Variants in RHBDD1 observed in about 807,000 individuals in gnomAD.
RHBDD1 encodes rhomboid domain containing 1.
Under a neutral mutation model 36.3 loss-of-function variants are expected in RHBDD1, and 38 were observed. That is an observed-to-expected ratio of 1.05 (90% CI 0.81 to 1.37). RHBDD1 has a LOEUF of 1.37. Among genes scored for constraint, RHBDD1 ranks in the 40% most tolerant of loss-of-function variants. The pLI is 0.00. For synonymous variants in RHBDD1, 151 were observed against 136.5 expected (o/e 1.11, Z -0.74); for missense variants, 393 against 377.6 (o/e 1.04, Z -0.34).
intron 3 of RHBDD1, among the ~76,000 whole-genome samples, chr2:226,840,660 G>C (rs896723109): frequency 1.3e-5 from 2 of 152,130 alleles, no homozygotes; most frequent in African/African-American, 4.8e-5. Flanking sequence ...TTTGACCCCA[G>C]ATCTTCTGGC....
At chr2:226,846,139 A>T (rs1167329698) in intron 3 of RHBDD1, among the ~76,000 whole-genome samples, 1 of 152,222 alleles carries the variant, frequency 6.6e-6, no homozygotes, top group Non-Finnish European at 1.5e-5. Context: ...TATTTATCTT[A>T]CTAAAAGCAT....
At chr2:226,818,862 C>CA in the RHBDD1 span, among the ~76,000 whole-genome samples, 2 of 149,266 alleles carry the variant, frequency 1.3e-5, no homozygotes, top group Admixed American at 6.6e-5. Context: ...AAAACAAAAA[C>CA]AAAAAAACAA....
chr2:226,895,748 T>C, intron 5 of RHBDD1: 1 of 985,398 alleles, frequency 1.0e-6, no homozygotes, highest in Non-Finnish European at 1.2e-6. Context: ...CAGAGCACTA[T>C]TTAGAAACAC....
At chr2:226,818,177 T>G in the RHBDD1 span, among the ~76,000 whole-genome samples, 2 of 123,618 alleles carry the variant, frequency 1.6e-5, no homozygotes, top group South Asian at 5.1e-4. Context: ...TTTTTTTTTT[T>G]GAGATGGAGT....
At chr2:226,905,066 GTC>G (rs1433853747) in intron 5 of RHBDD1, among the ~76,000 whole-genome samples, 2 of 151,964 alleles carry the variant, frequency 1.3e-5, no homozygotes, top group African/African-American at 4.8e-5. Context: ...TGTTCTTGGA[GTC>G]TCCATCAGGC....
upstream of RHBDD1, chr2:226,835,906 C>A (rs1940897781): frequency 6.6e-6 from 1 of 152,422 alleles, no homozygotes; most frequent in Non-Finnish European, 1.5e-5. Context: ...CCGGCGCACG[C>A]GGTCTGCAGA....
intron 3 of RHBDD1, among the ~76,000 whole-genome samples, chr2:226,856,487 T>C (rs1346504978): frequency 6.6e-6 from 1 of 152,194 alleles, no homozygotes. Context: ...AATTTTATTA[T>C]TATTATCTTG....
chr2:226,924,949 A>C (rs1470931043), intron 8 of RHBDD1, among the ~76,000 whole-genome samples: 1 of 152,176 alleles, frequency 6.6e-6, no homozygotes, highest in Non-Finnish European at 1.5e-5. Flanking sequence ...TGAAGTTAAA[A>C]CCAGGTACTG....
intron 3 of RHBDD1, among the ~76,000 whole-genome samples, chr2:226,843,844 T>C (rs1434654633): frequency 6.6e-6 from 1 of 152,244 alleles, no homozygotes; most frequent in Non-Finnish European, 1.5e-5. Context: ...TCAGCAGGAA[T>C]GATACCTGCT....
At chr2:226,885,915 G>A (rs191644474) in intron 5 of RHBDD1, among the ~76,000 whole-genome samples, 2 of 152,272 alleles carry the variant, frequency 1.3e-5, no homozygotes, top group East Asian at 3.9e-4. Context: ...TGACGAATGG[G>A]CAGGTAGTGT....
At chr2:226,838,604 T>G (rs1941270590) in intron 2 of RHBDD1, among the ~76,000 whole-genome samples, 3 of 152,216 alleles carry the variant, frequency 2.0e-5, no homozygotes, top group Non-Finnish European at 4.4e-5. Context: ...CAGTAAATGT[T>G]GTGTGTCGGA....
chr2:226,872,301 A>G (rs1944856746), intron 5 of RHBDD1, among the ~76,000 whole-genome samples: 1 of 152,246 alleles, frequency 6.6e-6, no homozygotes, highest in African/African-American at 2.4e-5. Flanking sequence ...AAACATTATT[A>G]AATCCATACA....
chr2:226,866,261 G>A (rs985440810), intron 4 of RHBDD1, among the ~76,000 whole-genome samples: 2 of 152,016 alleles, frequency 1.3e-5, no homozygotes, highest in African/African-American at 2.4e-5. Flanking sequence ...TAGTACAGAT[G>A]GGGTTTCACC....
At chr2:226,872,258 G>T (rs902934628) in intron 5 of RHBDD1, among the ~76,000 whole-genome samples, 3 of 151,992 alleles carry the variant, frequency 2.0e-5, no homozygotes, top group Non-Finnish European at 4.4e-5. Context: ...GGGAAAGACA[G>T]TTCATAAAAT....
intron 7 of RHBDD1, among the ~76,000 whole-genome samples, chr2:226,909,349 T>G (rs1389015447): frequency 1.3e-5 from 2 of 152,172 alleles, no homozygotes; most frequent in Admixed American, 1.3e-4. Flanking sequence ...TTTCTAAGTA[T>G]CTGTGTAAAT....
intron 5 of RHBDD1, among the ~76,000 whole-genome samples, chr2:226,870,863 TGAGGAGGAG>T (rs957026516): frequency 6.6e-6 from 1 of 151,806 alleles, no homozygotes; most frequent in Non-Finnish European, 1.5e-5. Context: ...ATCTTCACAT[TGAGGAGGAG>T]GAGGAGGAGA....
chr2:226,869,552 G>A (rs1272413564), intron 5 of RHBDD1, among the ~76,000 whole-genome samples: 2 of 152,020 alleles, frequency 1.3e-5, no homozygotes, highest in Non-Finnish European at 2.9e-5. Context: ...GCTGCCCTTC[G>A]GGAGGAAAAA....
chr2:226,990,999 C>T (rs2149561853), intron 8 of RHBDD1, among the ~76,000 whole-genome samples: 1 of 152,290 alleles, frequency 6.6e-6, no homozygotes, highest in South Asian at 2.1e-4. Flanking sequence ...GTCAGTCACC[C>T]AGAGGCTCCT....
At chr2:226,915,798 A>G (rs997414259) in intron 8 of RHBDD1, among the ~76,000 whole-genome samples, 1 of 152,238 alleles carries the variant, frequency 6.6e-6, no homozygotes, top group African/African-American at 2.4e-5. Context: ...GAAGAGTTTC[A>G]GAACTGTGAT....
Sources: gnomAD v4.1 joint callset for allele counts (sites outside exome capture counted in the v4.1 genomes callset) on GRCh38, gnomAD v4.1.1 for gene constraint, MANE v1.5 for transcripts, NCBI Gene and HGNC (gene_info 2026-07-23, HGNC 2026-07-21) for gene names.